PPIG: variants seen among roughly 807,000 people sequenced by gnomAD.
The protein encoded by PPIG is peptidyl-prolyl cis-trans isomerase G.
A neutral mutation model predicts 87.9 loss-of-function variants in PPIG; 26 were observed. The observed-to-expected ratio is 0.30, with a 90% confidence interval of 0.22 to 0.41. The LOEUF (loss-of-function observed/expected upper bound fraction) is 0.41. Among genes scored for constraint, PPIG ranks in the 10% least tolerant of loss-of-function variants. The pLI is 1.00. For synonymous variants in PPIG, 308 were observed against 276.5 expected (o/e 1.11, Z -1.13); for missense variants, 722 against 879.4 (o/e 0.82, Z 2.26).
At position 169,639,117 on chromosome 2, in the gene PPIG, A is replaced by G. The variant is rs1470205139; in HGVS notation, c.*1594A>G. On this transcript the variant is annotated 3_prime_UTR_variant, in exon 14 of 14. Coordinates refer to ENST00000260970, the MANE Select transcript of PPIG (RefSeq NM_004792.3). The stretch of plus-strand genomic sequence containing the variant: ...GAATGAATAGTGTAATGACCATAAG[A>G]TTGCTTGGAAAATTGTAATACAGAT... 3 of 151,996 alleles carry G rather than the reference A, an allele frequency of 2.0e-5. No homozygotes were observed. Among genetic ancestry groups the G allele is most frequent in the Non-Finnish European group, 2.9e-5 (2 of 67,898 alleles). 9.4% of individuals were successfully genotyped at this position (151,996 alleles called of 1,614,324 possible). A position where few individuals can be genotyped will look rare whatever the true frequency, so the allele number is the denominator to read the frequency against.
rs903771230 is a variant in PPIG, at chr2:169,584,484, G to C, written c.-76G>C. The C allele has an allele frequency of 1.5e-5, 7 of 470,662 alleles. No individual in the cohort carries two copies. The highest frequency in any genetic ancestry group is 1.4e-4 in the Admixed American group (6 of 42,490). 29.2% of individuals were successfully genotyped at this position (470,662 alleles called of 1,614,324 possible). On this transcript the variant is annotated 5_prime_UTR_variant, in exon 1 of 14. Coordinates refer to ENST00000260970, the MANE Select transcript of PPIG (RefSeq NM_004792.3). ...ACCCAGAGAAGAGGAAAACTCTACC[G>C]GTGCAGGTAAGTGGTATGAGGCTCA...
In PPIG at chr2:169,595,926, TCCCGAGTAGCTGGGATTACAGGCGTGTG is replaced by T. The variant is rs1394134358; in HGVS notation, c.-69-7713_-69-7686del. ...TCAAGCGATTCTCCTGCCTCAGCCT[TCCCGAGTAGCTGGGATTACAGGCGTGTG>T]CCACTACGCCCGGCTAATTTTGTAT... On this transcript the variant is annotated intron_variant, in intron 1 of 13. Transcript: ENST00000260970. 5.4e-5 allele frequency among the ~76,000 whole-genome samples: 8 copies of T among 149,036 alleles called. No individual in the cohort carries two copies. The East Asian group carries it at 1.6e-3, about 30-fold the overall frequency.
chr2:169,588,235 G>A (rs757643765), intron 1 of PPIG, among the ~76,000 whole-genome samples: 7 of 143,630 alleles, frequency 4.9e-5, no homozygotes, highest in Non-Finnish European at 1.1e-4. Flanking sequence ...AAGCATATTC[G>A]TGTGTGTGTG....
intron 7 of PPIG, among the ~76,000 whole-genome samples, chr2:169,609,927 C>G (rs1685439065): frequency 6.6e-6 from 1 of 152,168 alleles, no homozygotes; most frequent in African/African-American, 2.4e-5. Flanking sequence ...TCTCACTATT[C>G]ATAGATTCTG....
At chr2:169,585,130 C>G (rs1684662056) in intron 1 of PPIG, among the ~76,000 whole-genome samples, 1 of 152,166 alleles carries the variant, frequency 6.6e-6, no homozygotes, top group African/African-American at 2.4e-5. Flanking sequence ...TGAGCTCTCG[C>G]GAAGTTCCCC....
intron 6 of PPIG, among the ~76,000 whole-genome samples, chr2:169,607,927 G>A (rs1199263322): frequency 2.0e-5 from 3 of 152,088 alleles, no homozygotes; most frequent in Non-Finnish European, 4.4e-5. Context: ...CTTTTCATGG[G>A]TGTGATCATA....
In PPIG at chr2:169,630,809, T is replaced by C. The variant is rs1289462851; in HGVS notation, c.583T>C (p.Ser195Pro). ...KEEKKRHKSS[S>P]SSSSSSSDSD... ...AGAAAAGAAAAGGCATAAATCATCA[T>C]CATCTTCCTCCTCCTCATCTAGTGA... Residue 195 changes from serine (S) to proline (P), a missense_variant, in exon 10 of 14, where the codon TCA (serine) becomes CCA (proline). Physicochemically the swap from Ser to Pro is moderately conservative, Grantham distance 74. This residue lies in a region of PPIG where 142 missense variants were observed against 152.8 expected (regional missense o/e 0.93). Transcript: ENST00000260970. 1 of 1,609,208 alleles carries C rather than the reference T, an allele frequency of 6.2e-7. No individual in the cohort carries two copies. The highest frequency in any genetic ancestry group is 2.2e-5 in the East Asian group (1 of 44,804).
chr2:169,638,709 T>C lies in PPIG; in HGVS notation c.*1186T>C, dbSNP rs1686246645. ...TTGCCATATAGAGTAGAGTAGAAAGTTGCAAATTTTGATAGTTTACAGAGT... is the reference window on the plus strand; with the variant it reads ...TTGCCATATAGAGTAGAGTAGAAAGCTGCAAATTTTGATAGTTTACAGAGT... On this transcript the variant is annotated 3_prime_UTR_variant, in exon 14 of 14. Coordinates refer to ENST00000260970, the MANE Select transcript of PPIG (RefSeq NM_004792.3). 1 of 152,004 alleles carries C rather than the reference T, an allele frequency of 6.6e-6. No individual in the cohort carries two copies. The highest frequency in any genetic ancestry group is 2.4e-5 in the African/African-American group (1 of 41,440). The allele number at this position is 152,004 out of a possible 1,614,324, so 9.4% of individuals were successfully genotyped here.
At chr2:169,610,726 G>A (rs758830757) in intron 7 of PPIG, among the ~76,000 whole-genome samples, 3 of 151,500 alleles carry the variant, frequency 2.0e-5, no homozygotes, top group African/African-American at 4.9e-5. Context: ...TTCTTACACC[G>A]TAGATGGCAT....
At chr2:169,632,426 G>A (rs1686081343) in intron 11 of PPIG, among the ~76,000 whole-genome samples, 1 of 152,108 alleles carries the variant, frequency 6.6e-6, no homozygotes, top group African/African-American at 2.4e-5. Context: ...TAATGCTAAT[G>A]GTTCTTTATC....
At position 169,636,891 on chromosome 2, in the gene PPIG, A is replaced by G. The variant is rs764921375; in HGVS notation, c.1633A>G (p.Arg545Gly). 4 of 1,613,834 alleles carry G rather than the reference A, an allele frequency of 2.5e-6. No homozygotes were observed. The highest frequency in any genetic ancestry group is 3.4e-6 in the Non-Finnish European group (4 of 1,179,978). ...SKEKDRRAQS[R>G]SRECDITKGK... is the part of the protein sequence containing the mutation. ...GGAAAAGGATAGACGCGCACAATCC[A>G]GGAGTAGAGAATGTGATATAACTAA... The change falls in exon 14 of 14, where the codon AGG becomes GGG. Residue 545 changes from arginine to glycine, a missense_variant. This residue lies in a region of PPIG where 476 missense variants were observed against 483.1 expected (regional missense o/e 0.99). Transcript: ENST00000260970.
In PPIG at chr2:169,614,614, C is replaced by G; in HGVS notation, c.437C>G (p.Ser146Cys). 1 of 1,610,046 alleles carries G rather than the reference C, an allele frequency of 6.2e-7. No homozygotes were observed. The highest frequency in any genetic ancestry group is 8.5e-7 in the Non-Finnish European group (1 of 1,179,022). ...GHHVVFGQVI[S>C]GQEVVREIEN... is the part of the protein sequence containing the mutation. ...CATGTTGTTTTTGGACAAGTAATCT[C>G]TGGTCAAGAAGTTGTAAGAGAGATT... is the stretch of plus-strand genomic sequence containing the variant. The change falls in exon 9 of 14, where the codon TCT becomes TGT. Residue 146 changes from serine (S) to cysteine (C), a missense_variant. This residue lies in a region of PPIG where 99 missense variants were observed against 215.8 expected (regional missense o/e 0.46). Transcript: ENST00000260970.
rs778235580 is a variant in PPIG at position 169,637,300 on chromosome 2, A to G, written c.2042A>G (p.Lys681Arg). 3.1e-6 allele frequency: 5 copies of G among 1,605,454 alleles called. No homozygotes were observed. The highest frequency in any genetic ancestry group is 4.2e-6 in the Non-Finnish European group (5 of 1,178,122). The change falls in exon 14 of 14, where the codon AAG becomes AGG. Residue 681 changes from lysine to arginine, a missense_variant. Transcript: ENST00000260970. ...AGCTCAAATAACAGCAGGGAAAAAA[A>G]GGCTGATAGAGATCAAAGTCCCTTC... Reference protein sequence around the residue: ...HNSSNNSREKKADRDQSPFSK... With the variant: ...HNSSNNSREKRADRDQSPFSK...
At chr2:169,600,101 G>A (rs1465015811) in intron 1 of PPIG, among the ~76,000 whole-genome samples, 1 of 150,992 alleles carries the variant, frequency 6.6e-6, no homozygotes, top group African/African-American at 2.4e-5. Flanking sequence ...TTTTGAAACG[G>A]GGTCTCACTG....
At chr2:169,602,136 A>C (rs1402046665) in intron 1 of PPIG, among the ~76,000 whole-genome samples, 1 of 152,176 alleles carries the variant, frequency 6.6e-6, no homozygotes, top group Non-Finnish European at 1.5e-5. Context: ...CTGTATGCAT[A>C]AGGTATGTTT....
intron 1 of PPIG, among the ~76,000 whole-genome samples, chr2:169,592,934 C>A (rs567252159): frequency 6.6e-6 from 1 of 152,162 alleles, no homozygotes; most frequent in Non-Finnish European, 1.5e-5. Flanking sequence ...TTTACATATT[C>A]AAGGGATTTG....
chr2:169,637,368 T>G lies in PPIG; in HGVS notation c.2110T>G (p.Ser704Ala). 1 of 1,611,758 alleles carries G rather than the reference T, an allele frequency of 6.2e-7. No homozygotes were observed. Residue 704 changes from serine (S) to alanine (A), a missense_variant, in exon 14 of 14, where the codon TCC (serine) becomes GCC (alanine). By Grantham distance (99) the Ser-to-Ala change is moderately conservative (BLOSUM62 1). Coordinates refer to ENST00000260970, the MANE Select transcript of PPIG (RefSeq NM_004792.3). ...CAGTCAGGACAATGAATTAAAGTCC[T>G]CCATGTTGAAAAATAAGGAGGATGA... ...QSSQDNELKS[S>A]MLKNKEDEKI... is the part of the protein sequence containing the mutation.
At chr2:169,589,480 T>C (rs1015957217) in intron 1 of PPIG, among the ~76,000 whole-genome samples, 9 of 152,222 alleles carry the variant, frequency 5.9e-5, no homozygotes, top group Non-Finnish European at 1.0e-4. Flanking sequence ...TAAATTACTT[T>C]CCTTGAAAGT....
chr2:169,612,529 G>A (rs547237747), intron 7 of PPIG, among the ~76,000 whole-genome samples: 2 of 151,874 alleles, frequency 1.3e-5, no homozygotes, highest in Non-Finnish European at 2.9e-5. Context: ...GACTACAGGC[G>A]CCTGTCACCA....
Sources: gnomAD v4.1 joint callset for allele counts (sites outside exome capture counted in the v4.1 genomes callset) on GRCh38, gnomAD v4.1.1 for gene constraint, gnomAD v4.1.1 regional missense constraint, MANE v1.5 for transcripts, NCBI Gene and HGNC (gene_info 2026-07-23, HGNC 2026-07-21) for gene names.